Variants in NCAN observed in about 807,000 individuals in gnomAD.
NCAN encodes the protein neurocan core protein.
NCAN carries 47 observed loss-of-function variants against 121.8 expected under a neutral mutation model. The ratio of observed to expected loss-of-function variants is 0.39; its 90% CI spans 0.31 to 0.49. The LOEUF (loss-of-function observed/expected upper bound fraction) is 0.49. Ranked by LOEUF, NCAN falls within the 20% of genes least tolerant of loss-of-function variation. NCAN has a pLI of 0.92. For synonymous variants in NCAN, 633 were observed against 702.0 expected (o/e 0.90, Z 1.55); for missense variants, 1,517 against 1,773.4 (o/e 0.86, Z 2.60).
intron 1 of NCAN, among the ~76,000 whole-genome samples, chr19:19,215,146 C>T (rs2060791818): frequency 6.6e-6 from 1 of 152,142 alleles, no homozygotes; most frequent in African/African-American, 2.4e-5. Flanking sequence ...ACGGACAGGT[C>T]CCAGGCCGGC....
intron 14 of NCAN, among the ~76,000 whole-genome samples, chr19:19,249,520 G>A (rs1042511637): frequency 5.3e-5 from 8 of 152,068 alleles, no homozygotes; most frequent in Middle Eastern, 3.4e-3. Flanking sequence ...AGCATGTGCC[G>A]CCACGCCTGG....
chr19:19,236,116 A>C (rs1291929459), intron 10 of NCAN, among the ~76,000 whole-genome samples: 1 of 152,178 alleles, frequency 6.6e-6, no homozygotes, highest in South Asian at 2.1e-4. Context: ...ACCTCTGTCT[A>C]GTTCCAGAAC....
At position 19,227,443 on chromosome 19, in the gene NCAN, A is replaced by G; in HGVS notation, c.1823A>G (p.Glu608Gly). ...CCAGACCTGTTTTGGTCCCCCTTGG[A>G]GGCCACTGTCTCAGCTCCCAGCCCT... ...ATPDLFWSPLEATVSAPSPAP... is the reference protein window; with the variant it reads ...ATPDLFWSPLGATVSAPSPAP... The change falls in exon 8 of 15, where the codon GAG becomes GGG. Residue 608 changes from glutamate (E) to glycine (G), a missense_variant. By Grantham distance (98) the Glu-to-Gly change is moderately conservative. Transcript: ENST00000252575. The surrounding 1 kb of genome is among the most constrained non-coding windows in gnomAD (Gnocchi z 4.2). The G allele has an allele frequency of 8.7e-6, 14 of 1,613,610 alleles. No homozygotes were observed. Among genetic ancestry groups the G allele is most frequent in the Non-Finnish European group, 1.2e-5 (14 of 1,179,904 alleles).
chr19:19,241,959 C>T (rs1052191392), intron 12 of NCAN, among the ~76,000 whole-genome samples: 1 of 151,800 alleles, frequency 6.6e-6, no homozygotes, highest in African/African-American at 2.4e-5. Context: ...CTTTGGAAGG[C>T]CGAGGCAGGC....
At chr19:19,219,348 C>G in intron 3 of NCAN, 32 bp downstream of exon 3, 1 of 1,451,084 alleles carries the variant, frequency 6.9e-7, no homozygotes, top group Non-Finnish European at 9.1e-7. Flanking sequence ...GGCCGGGGGC[C>G]GGGGAGAGGG....
At position 19,251,388 on chromosome 19, in the gene NCAN, C is replaced by G. The variant is rs2060945662; in HGVS notation, c.*1477C>G. 6.6e-6 allele frequency: 1 copy of G among 152,186 alleles called. No individual in the cohort carries two copies. Among genetic ancestry groups the G allele is most frequent in the African/African-American group, 2.4e-5 (1 of 41,440 alleles). 9.4% of individuals were successfully genotyped at this position (152,186 alleles called of 1,614,324 possible). ...CAATCTCCTTGAATCTTCTCAATAG[C>G]CCATTGACTTAGAAACTGTTACTTT... On this transcript the variant is annotated 3_prime_UTR_variant, in exon 15 of 15. Transcript: ENST00000252575.
rs180867686 is a variant in NCAN, at chr19:19,237,503, T to A, written c.3251-750T>A. Among the ~76,000 whole-genome samples the A allele has an allele frequency of 7.7e-4, 111 of 144,882 alleles. 1 individual carries two copies. Among genetic ancestry groups the A allele is most frequent in the African/African-American group, 2.6e-3 (101 of 38,366 alleles). The stretch of plus-strand genomic sequence containing the variant: ...GACTCCATCTCAAAAAAAAAAAAAT[T>A]TTATATATATATATCTCCATCCTAG... On this transcript the variant is annotated intron_variant, in intron 10 of 14. Transcript: ENST00000252575.
intron 13 of NCAN, 121 bp from the exon 14 acceptor site, chr19:19,248,579 C>T (rs2060934373): frequency 6.5e-6 from 6 of 923,044 alleles, no homozygotes; most frequent in Admixed American, 2.5e-5. Flanking sequence ...GAGGCAAGAG[C>T]GCGCCACTGC....
Position 19,226,621 on chromosome 19 carries a change from ACTTCCAGGAGCCT to A in NCAN, c.1211_1223del (p.Phe404TrpfsTer10). On this transcript the variant is annotated frameshift_variant, in exon 7 of 15. Transcript: ENST00000252575. LOFTEE classifies it high-confidence loss of function. ...GAGGAGGAAGAGGTGGTCACCCCTG[ACTTCCAGGAGCCT>A]CTGGTGTCCAGTGGGGAAGAAGAAA... 6.2e-7 allele frequency: 1 copy of A among 1,613,848 alleles called. No homozygotes were observed. The highest frequency in any genetic ancestry group is 8.5e-7 in the Non-Finnish European group (1 of 1,179,990).
Position 19,224,092 on chromosome 19 carries a change from C to T in NCAN, c.547C>T (p.Arg183Cys), listed in dbSNP as rs1373325205. Residue 183 changes from arginine to cysteine, a missense_variant, in exon 4 of 15, where the codon CGT (arginine) becomes TGT (cysteine). Transcript: ENST00000252575. ...CTTCGCTGAGGCCCAGGAGGCCTGC[C>T]GTCTCAGCTCAGCCATCATTGCAGC... ...LTFAEAQEACRLSSAIIAAPR... is the reference protein window; with the variant it reads ...LTFAEAQEACCLSSAIIAAPR... 5 of 1,606,290 alleles carry T rather than the reference C, an allele frequency of 3.1e-6. No individual in the cohort carries two copies. Among genetic ancestry groups the T allele is most frequent in the African/African-American group, 1.3e-5 (1 of 74,830 alleles).
rs372783770 is a variant in NCAN, at chr19:19,226,935, G to A, written c.1522G>A (p.Ala508Thr). The A allele has an allele frequency of 1.1e-4, 176 of 1,582,658 alleles. 1 individual carries two copies. The South Asian group carries it at 1.7e-3, about 15-fold the overall frequency. The change falls in exon 7 of 15, where the codon GCC (alanine) becomes ACC (threonine). Residue 508 changes from alanine to threonine, a missense_variant. Physicochemically the swap from Ala to Thr is moderately conservative, Grantham distance 58 (BLOSUM62 0). Coordinates refer to ENST00000252575, the MANE Select transcript of NCAN (RefSeq NM_004386.3). ...GCTGCAAGGGGGGATGGAGGCCAGC[G>A]CCCAGCCCCCCACCTCAGAGGCTGC... Reference protein sequence around the residue: ...PGLQGGMEASAQPPTSEAAVN... With the variant: ...PGLQGGMEASTQPPTSEAAVN...
chr19:19,232,007 G>A (rs939628155), intron 8 of NCAN, among the ~76,000 whole-genome samples: 2 of 151,968 alleles, frequency 1.3e-5, no homozygotes, highest in Non-Finnish European at 2.9e-5. Flanking sequence ...TTGGGGTGGT[G>A]GTGAGGAGAG....
intron 1 of NCAN, among the ~76,000 whole-genome samples, chr19:19,215,320 C>T (rs924182363): frequency 2.0e-5 from 3 of 152,154 alleles, no homozygotes. Flanking sequence ...TCTAATTTTC[C>T]ATCTGCGCCC....
chr19:19,215,194 T>C (rs1048380299), intron 1 of NCAN, among the ~76,000 whole-genome samples: 5 of 152,116 alleles, frequency 3.3e-5, no homozygotes, highest in African/African-American at 7.2e-5. Flanking sequence ...GAAGGAGAAC[T>C]GGGGAAAGGG....
Position 19,224,214 on chromosome 19 carries a change from G to A in NCAN, c.650+19G>A, listed in dbSNP as rs1314822885. On this transcript the variant is annotated intron_variant, in intron 4 of 14. Coordinates refer to ENST00000252575, the MANE Select transcript of NCAN (RefSeq NM_004386.3). ...CTGTTCGGTGAGGGGGATACACAGG[G>A]CAGGGAGATGAAGACTAGCTCATGG... 6.3e-7 allele frequency: 1 copy of A among 1,587,336 alleles called. No individual in the cohort carries two copies. The highest frequency in any genetic ancestry group is 8.6e-7 in the Non-Finnish European group (1 of 1,161,124).
In NCAN at chr19:19,219,137, A is replaced by G. The variant is rs772749392; in HGVS notation, c.296A>G (p.Asn99Ser). The part of the protein sequence containing the change: ...QDLPILVAKD[N>S]VVRVAKSWQG... The stretch of plus-strand genomic sequence containing the variant: ...TTGCCCATCCTGGTGGCCAAGGACA[A>G]TGTCGTGAGGGTGGCCAAAAGCTGG... The change falls in exon 3 of 15, where the codon AAT becomes AGT. Residue 99 changes from asparagine to serine, a missense_variant. Physicochemically the swap from Asn to Ser is conservative, Grantham distance 46. Transcript: ENST00000252575. 3 of 1,613,814 alleles carry G rather than the reference A, an allele frequency of 1.9e-6. No individual in the cohort carries two copies. The African/African-American group carries it at 4.0e-5, about 22-fold the overall frequency.
intron 10 of NCAN, among the ~76,000 whole-genome samples, chr19:19,236,460 A>G (rs2060881533): frequency 6.6e-6 from 1 of 152,176 alleles, no homozygotes; most frequent in Admixed American, 6.5e-5. Flanking sequence ...GCTAAGGTCA[A>G]TAGTGCTGCT....
In NCAN at chr19:19,245,300, C is replaced by T. The variant is rs747274985; in HGVS notation, c.3493-13C>T. The T allele has an allele frequency of 1.9e-6, 3 of 1,613,730 alleles. No homozygotes were observed. The highest frequency in any genetic ancestry group is 2.5e-6 in the Non-Finnish European group (3 of 1,179,744). On this transcript the variant is annotated splice_polypyrimidine_tract_variant and intron_variant, in intron 12 of 14. Transcript: ENST00000252575. The stretch of plus-strand genomic sequence containing the variant: ...AGGTCCCCTGAACAACTCCCTGCCC[C>T]CTATTCCTGCAGCAATTTGAGAACT...
At chr19:19,221,571 A>T (rs1011205215) in intron 3 of NCAN, among the ~76,000 whole-genome samples, 8 of 151,256 alleles carry the variant, frequency 5.3e-5, no homozygotes, top group Non-Finnish European at 8.8e-5. Flanking sequence ...TCCATCTTAA[A>T]AATAATAATA....
Sources: allele counts gnomAD v4.1 joint callset (sites outside exome capture counted in the v4.1 genomes callset), GRCh38; gene constraint gnomAD v4.1.1; non-coding constraint Gnocchi (gnomAD v3.1); transcripts MANE v1.5; gene names NCBI Gene and HGNC (gene_info 2026-07-23, HGNC 2026-07-21).